DNAH12: variants seen among roughly 807,000 people sequenced by gnomAD.
The protein encoded by DNAH12 is dynein axonemal heavy chain 12.
DNAH12 carries 285 observed loss-of-function variants against 371.5 expected under a neutral mutation model. That is an observed-to-expected ratio of 0.77 (90% CI 0.70 to 0.85). The LOEUF (loss-of-function observed/expected upper bound fraction) is 0.85. DNAH12 is among the 40% of genes least tolerant of loss of function. The pLI is 0.00. For missense variants in DNAH12, 3,611 were observed against 3,689.4 expected (o/e 0.98, Z 0.55); for synonymous variants, 1,200 against 1,213.0 (o/e 0.99, Z 0.22).
intron 36 of DNAH12, among the ~76,000 whole-genome samples, chr3:57,421,106 G>T (rs1333893067): frequency 6.6e-6 from 1 of 152,004 alleles, no homozygotes; most frequent in African/African-American, 2.4e-5. Flanking sequence ...AGGAGAACTT[G>T]AGTCAAGTTC....
chr3:57,458,978 A>C (rs1003597542), intron 20 of DNAH12, among the ~76,000 whole-genome samples: 2 of 152,240 alleles, frequency 1.3e-5, no homozygotes, highest in Non-Finnish European at 2.9e-5. Flanking sequence ...ACTGACTCTC[A>C]GTAAGTCCAG....
chr3:57,425,304 G>A lies in DNAH12; in HGVS notation c.5254-163C>T, dbSNP rs367744756. Among the ~76,000 whole-genome samples the A allele has an allele frequency of 1.2e-4, 19 of 152,054 alleles. No individual in the cohort carries two copies. The South Asian group carries it at 3.9e-3, about 32-fold the overall frequency. On this transcript the variant is annotated intron_variant, in intron 34 of 73. Transcript: ENST00000495027. ...ACTCTGTCATCCAGGCTGGAGCCCA[G>A]TTGCACAATCATAGCTCACTGCAGC...
chr3:57,405,863 C>A lies in DNAH12; in HGVS notation c.6366G>T (p.Arg2122=). 6.4e-7 allele frequency: 1 copy of A among 1,551,348 alleles called. No individual in the cohort carries two copies. Among genetic ancestry groups the A allele is most frequent in the Non-Finnish European group, 8.7e-7 (1 of 1,146,834 alleles). ...CGTCTCTTTCAATGAGTAAACAGCC[C>A]CGGATGACGCGTGAAAAATCACGCA... ...FNLRDFSRVI[R]GCLLIERDAV... The change falls in exon 41 of 74, where the codon CGG becomes CGT. Residue 2122 remains arginine (R), a synonymous_variant. Coordinates refer to ENST00000495027, the MANE Select transcript of DNAH12 (RefSeq NM_001366028.2).
chr3:57,400,083 G>A (rs2063825690), intron 43 of DNAH12, among the ~76,000 whole-genome samples: 1 of 152,068 alleles, frequency 6.6e-6, no homozygotes, highest in African/African-American at 2.4e-5. Flanking sequence ...GAGCTTAGGG[G>A]TTCAAGACCA....
intron 58 of DNAH12, among the ~76,000 whole-genome samples, chr3:57,361,946 G>A (rs1380277667): frequency 6.6e-6 from 1 of 152,058 alleles, no homozygotes; most frequent in East Asian, 1.9e-4. Context: ...CAAGTACCAT[G>A]TTGGTTTGCT....
At chr3:57,321,821 A>G (rs773050181) in intron 65 of DNAH12, among the ~76,000 whole-genome samples, 5 of 152,196 alleles carry the variant, frequency 3.3e-5, no homozygotes, top group African/African-American at 4.8e-5. Flanking sequence ...CAGGGAAATG[A>G]GTACTCTCTA....
intron 65 of DNAH12, 146 bp downstream of exon 65, chr3:57,322,197 G>T: frequency 1.2e-6 from 1 of 830,846 alleles, no homozygotes; most frequent in Non-Finnish European, 1.8e-6. Flanking sequence ...AACAAGATAA[G>T]TACAATTTTT....
In DNAH12 at chr3:57,310,929, T is replaced by A. The variant is rs1284486035; in HGVS notation, c.10684A>T (p.Thr3562Ser). The A allele has an allele frequency of 6.5e-7, 1 of 1,549,624 alleles. No homozygotes were observed. Among genetic ancestry groups the A allele is most frequent in the African/African-American group, 1.4e-5 (1 of 73,026 alleles). ...QLQLFINEYDTIPFEAISYLT... is the reference protein window; with the variant it reads ...QLQLFINEYDSIPFEAISYLT... The stretch of plus-strand genomic sequence containing the variant: ...TAAGATATAGCTTCAAATGGAATTG[T>A]ATCATATTCATTGATAAATAACTGA... The change falls in exon 67 of 74, where the codon ACA becomes TCA. Residue 3562 changes from threonine to serine, a missense_variant. Transcript: ENST00000495027.
intron 12 of DNAH12, among the ~76,000 whole-genome samples, chr3:57,485,117 G>C (rs1460358902): frequency 6.6e-6 from 1 of 152,150 alleles, no homozygotes; most frequent in Non-Finnish European, 1.5e-5. Flanking sequence ...ATGGAAAACA[G>C]TATTGAGGTT....
Position 57,457,728 on chromosome 3 carries a change from G to C in DNAH12, c.3329C>G (p.Ala1110Gly). 1 of 1,548,612 alleles carries C rather than the reference G, an allele frequency of 6.5e-7. No homozygotes were observed. ...LRSVHDVIAA[A>G]RLAYPESARR... ...AAATCCTAGGAAACACACCAGCCTG[G>C]CTGCAGCGATCACATCGTGAACACT... Residue 1110 changes from alanine to glycine, a missense_variant, in exon 22 of 74, where the codon GCC (alanine) becomes GGC (glycine). Transcript: ENST00000495027.
At chr3:57,452,463 A>G (rs2065784506) in intron 25 of DNAH12, among the ~76,000 whole-genome samples, 2 of 151,896 alleles carry the variant, frequency 1.3e-5, no homozygotes, top group Non-Finnish European at 2.9e-5. Context: ...TCTCCATCCT[A>G]CTTAACAGCA....
At chr3:57,519,186 C>CG (rs2068315528) in intron 4 of DNAH12, among the ~76,000 whole-genome samples, 1 of 152,176 alleles carries the variant, frequency 6.6e-6, no homozygotes, top group Non-Finnish European at 1.5e-5. Context: ...TATTTGCCAT[C>CG]CGTGTATCCT....
intron 13 of DNAH12, among the ~76,000 whole-genome samples, chr3:57,474,765 T>A (rs150565535): frequency 4.7e-5 from 7 of 149,582 alleles, no homozygotes; most frequent in Non-Finnish European, 9.0e-5. Flanking sequence ...GAGACCATCC[T>A]GGCCAACATG....
chr3:57,302,914 G>C (rs941572218), intron 69 of DNAH12, among the ~76,000 whole-genome samples: 1 of 151,634 alleles, frequency 6.6e-6, no homozygotes, highest in African/African-American at 2.4e-5. Context: ...ACTACACATA[G>C]GTCTAGCTAA....
At chr3:57,511,946 T>C (rs528465758) in intron 4 of DNAH12, among the ~76,000 whole-genome samples, 4 of 152,086 alleles carry the variant, frequency 2.6e-5, no homozygotes, top group Admixed American at 2.0e-4. Context: ...AATGAAACTA[T>C]ACAAGGATCA....
chr3:57,332,438 C>T (rs2062120589), intron 62 of DNAH12, among the ~76,000 whole-genome samples: 1 of 152,110 alleles, frequency 6.6e-6, no homozygotes, highest in Admixed American at 6.5e-5. Flanking sequence ...TTAATGAAAC[C>T]ACCATTTTTG....
chr3:57,500,157 A>AC (rs2067487802), intron 11 of DNAH12, among the ~76,000 whole-genome samples: 1 of 83,690 alleles, frequency 1.2e-5, no homozygotes, highest in Non-Finnish European at 2.8e-5. Flanking sequence ...CCTACTCCTC[A>AC]GCCCCCCCTA....
At chr3:57,448,657 T>A (rs922824167) in intron 25 of DNAH12, among the ~76,000 whole-genome samples, 3 of 152,236 alleles carry the variant, frequency 2.0e-5, no homozygotes, top group Admixed American at 6.5e-5. Flanking sequence ...TATTCTCTTA[T>A]CTGGCCCCAC....
chr3:57,357,948 T>TGA (rs2062837873), intron 58 of DNAH12, among the ~76,000 whole-genome samples: 1 of 152,218 alleles, frequency 6.6e-6, no homozygotes, highest in African/African-American at 2.4e-5. Context: ...GGGCTGTAGA[T>TGA]ATTCAACCCC....
Sources: gnomAD v4.1 joint callset for allele counts (sites outside exome capture counted in the v4.1 genomes callset) on GRCh38, gnomAD v4.1.1 for gene constraint, MANE v1.5 for transcripts, NCBI Gene and HGNC (gene_info 2026-07-23, HGNC 2026-07-21) for gene names.